LYN: variants seen among roughly 807,000 people sequenced by gnomAD.
LYN encodes the protein tyrosine-protein kinase Lyn.
A neutral mutation model predicts 65.0 loss-of-function variants in LYN; 12 were observed. The ratio of observed to expected loss-of-function variants is 0.18; its 90% CI spans 0.12 to 0.30. The LOEUF is 0.30. Among genes scored for constraint, LYN ranks in the 10% least tolerant of loss-of-function variants. The pLI is 1.00. For missense variants in LYN, 380 were observed against 623.2 expected, an observed-to-expected ratio of 0.61 and a Z score of 4.16; for synonymous variants, 222 against 221.2, an observed-to-expected ratio of 1.00 and a Z score of -0.03.
intron 1 of LYN, among the ~76,000 whole-genome samples, chr8:55,935,205 C>T (rs1806393986): frequency 6.7e-6 from 1 of 148,574 alleles, no homozygotes; most frequent in Non-Finnish European, 1.5e-5. Context: ...GTTAGGTTGC[C>T]TAAAGAAAAA....
intron 1 of LYN, among the ~76,000 whole-genome samples, chr8:55,880,678 G>T (rs929355501): frequency 1.1e-4 from 16 of 152,244 alleles, no homozygotes; most frequent in Non-Finnish European, 1.0e-4. Context: ...TCGAGGGGCT[G>T]CAGCGGAGGC....
intron 10 of LYN, among the ~76,000 whole-genome samples, chr8:55,971,877 C>T (rs977935822): frequency 2.0e-5 from 3 of 152,144 alleles, no homozygotes; most frequent in African/African-American, 7.2e-5. Flanking sequence ...CTTTCTAGAC[C>T]TTCATAGCTT....
intron 1 of LYN, among the ~76,000 whole-genome samples, chr8:55,883,918 A>G (rs1338018456): frequency 6.6e-6 from 1 of 152,102 alleles, no homozygotes; most frequent in Non-Finnish European, 1.5e-5. Context: ...TGGTTTCCTG[A>G]TACTTAAATT....
chr8:55,892,069 C>T (rs1357558483), intron 1 of LYN, among the ~76,000 whole-genome samples: 1 of 152,258 alleles, frequency 6.6e-6, no homozygotes, highest in Non-Finnish European at 1.5e-5. Context: ...AAGGGTCCTT[C>T]TCCATCATTA....
intron 1 of LYN, among the ~76,000 whole-genome samples, chr8:55,932,190 A>G (rs1418516601): frequency 6.6e-6 from 1 of 152,208 alleles, no homozygotes; most frequent in African/African-American, 2.4e-5. Flanking sequence ...AAAAGATGAC[A>G]TTAAGGTTGA....
chr8:55,977,623 C>T (rs944437352), intron 10 of LYN, among the ~76,000 whole-genome samples: 3 of 151,926 alleles, frequency 2.0e-5, no homozygotes, highest in East Asian at 1.9e-4. Context: ...TAGCCCAGAG[C>T]TCATCTCTGT....
intron 1 of LYN, among the ~76,000 whole-genome samples, chr8:55,888,866 T>C (rs1388235422): frequency 6.6e-6 from 1 of 152,102 alleles, no homozygotes. Context: ...AAAATTTTAA[T>C]ATGGAGTTTA....
intron 10 of LYN, among the ~76,000 whole-genome samples, chr8:55,997,669 G>A (rs1372804589): frequency 6.6e-6 from 1 of 152,184 alleles, no homozygotes; most frequent in Non-Finnish European, 1.5e-5. Context: ...GGCGGGGAAT[G>A]GGACACAAAC....
intron 10 of LYN, among the ~76,000 whole-genome samples, chr8:55,987,800 G>C (rs1808123457): frequency 6.6e-6 from 1 of 152,180 alleles, no homozygotes; most frequent in Non-Finnish European, 1.5e-5. Flanking sequence ...GCCAGACTCA[G>C]GTTGGAATCC....
intron 9 of LYN, among the ~76,000 whole-genome samples, chr8:55,969,368 C>T (rs1807546783): frequency 6.6e-6 from 1 of 152,192 alleles, no homozygotes; most frequent in African/African-American, 2.4e-5. Context: ...CTGCAGAGGG[C>T]AGGCCTTCCA....
intron 1 of LYN, among the ~76,000 whole-genome samples, chr8:55,928,177 G>A (rs562941303): frequency 1.4e-4 from 22 of 152,246 alleles, no homozygotes; most frequent in African/African-American, 5.1e-4. Flanking sequence ...ACAGAATCTC[G>A]CTCTGTTGCC....
intron 1 of LYN, among the ~76,000 whole-genome samples, chr8:55,931,418 C>T (rs906143898): frequency 6.7e-6 from 1 of 150,030 alleles, no homozygotes; most frequent in African/African-American, 2.4e-5. Context: ...CTAAGGGCCT[C>T]GAAACTCTGA....
At chr8:55,981,615 C>CA (rs1403154145) in intron 10 of LYN, among the ~76,000 whole-genome samples, 9 of 152,296 alleles carry the variant, frequency 5.9e-5, no homozygotes, top group African/African-American at 2.2e-4. Flanking sequence ...CTCTGCCTCC[C>CA]AAAGTGCTGG....
chr8:55,890,931 G>A lies in LYN; in HGVS notation c.-6+10828G>A, dbSNP rs183744123. 3.5e-3 allele frequency among the ~76,000 whole-genome samples: 526 copies of A among 152,064 alleles called. 3 individuals carry two copies. The highest frequency in any genetic ancestry group is 0.017 in the South Asian group (84 of 4,812). On this transcript the variant is annotated intron_variant, in intron 1 of 12. Transcript: ENST00000519728. Reference sequence around the variant, plus strand: ...TTTTGTAGAGATAAGGTTTTGCCATGTTGTCCAGGCTAATCTTGAACTCCT... The same window carrying A: ...TTTTGTAGAGATAAGGTTTTGCCATATTGTCCAGGCTAATCTTGAACTCCT...
At chr8:55,936,951 C>T (rs1806454051) in intron 1 of LYN, among the ~76,000 whole-genome samples, 1 of 151,644 alleles carries the variant, frequency 6.6e-6, no homozygotes, top group South Asian at 2.1e-4. Flanking sequence ...ACAAAGTAGG[C>T]ACATACGTGT....
chr8:55,944,335 T>C (rs1441403928), intron 2 of LYN, among the ~76,000 whole-genome samples: 2 of 152,126 alleles, frequency 1.3e-5, no homozygotes, highest in African/African-American at 4.8e-5. Context: ...ATATGATTAA[T>C]AGAAAATAAA....
At chr8:55,922,989 C>T (rs1805989298) in intron 1 of LYN, among the ~76,000 whole-genome samples, 2 of 152,074 alleles carry the variant, frequency 1.3e-5, no homozygotes, top group South Asian at 2.1e-4. Flanking sequence ...CATGCCTTTC[C>T]GAGCCTAGAA....
At chr8:55,930,771 C>T (rs1423431179) in intron 1 of LYN, among the ~76,000 whole-genome samples, 3 of 152,180 alleles carry the variant, frequency 2.0e-5, no homozygotes, top group Non-Finnish European at 4.4e-5. Context: ...TTCCTCCTCC[C>T]CCTGCTGGCT....
At chr8:55,989,058 C>T (rs1277348295) in intron 10 of LYN, among the ~76,000 whole-genome samples, 1 of 152,360 alleles carries the variant, frequency 6.6e-6, no homozygotes, top group East Asian at 1.9e-4. Context: ...CTCATGTTCT[C>T]TGGTGGTAGC....
Sources: gnomAD v4.1 joint callset for allele counts (sites outside exome capture counted in the v4.1 genomes callset) on GRCh38, gnomAD v4.1.1 for gene constraint, MANE v1.5 for transcripts, NCBI Gene and HGNC (gene_info 2026-07-23, HGNC 2026-07-21) for gene names.